Variants in LRRC37A2 observed in about 807,000 individuals in gnomAD.
The protein encoded by LRRC37A2 is leucine rich repeat containing 37 member A2.
LRRC37A2 carries 9 observed loss-of-function variants against 68.8 expected under a neutral mutation model. That is an observed-to-expected ratio of 0.13 (90% CI 0.08 to 0.23). The LOEUF is 0.23. Ranked by LOEUF, LRRC37A2 falls within the 10% of genes least tolerant of loss-of-function variation. The probability of loss-of-function intolerance (pLI) is 1.00; values close to 1 mark genes in which losing one functional copy is unlikely to be tolerated. For synonymous variants in LRRC37A2, 63 were observed against 367.6 expected, an observed-to-expected ratio of 0.17 and a Z score of 9.48; for missense variants, 168 against 950.4, an observed-to-expected ratio of 0.18 and a Z score of 10.82.
At chr17:46,945,644 G>T in the LRRC37A2 span, among the ~76,000 whole-genome samples, 1 of 152,100 alleles carries the variant, frequency 6.6e-6, no homozygotes, top group Non-Finnish European at 1.5e-5. Context: ...TTTCCAGCCC[G>T]AGCAACAGGA....
chr17:46,930,981 C>T, the LRRC37A2 span: 1 of 694,942 alleles, frequency 1.4e-6, no homozygotes, highest in Non-Finnish European at 2.6e-6. Flanking sequence ...CATTTTTCTC[C>T]TTTTGAAATA....
At chr17:47,005,904 A>T in the LRRC37A2 span, 1 of 152,224 alleles carries the variant, frequency 6.6e-6, no homozygotes, top group East Asian at 1.9e-4. Context: ...GTAGACACTG[A>T]TATGTAATGC....
chr17:46,928,685 C>T, the LRRC37A2 span, among the ~76,000 whole-genome samples: 2 of 152,198 alleles, frequency 1.3e-5, no homozygotes, highest in Admixed American at 6.5e-5. Context: ...AGGTCCCTGT[C>T]TCAGGGTCTT....
At chr17:46,891,992 TC>T in the LRRC37A2 span, among the ~76,000 whole-genome samples, 4 of 146,626 alleles carry the variant, frequency 2.7e-5, no homozygotes, top group Non-Finnish European at 5.9e-5. Flanking sequence ...TGATCTCAGC[TC>T]AGTGCAACCT....
At chr17:46,795,981 G>A in the LRRC37A2 span, among the ~76,000 whole-genome samples, 1 of 151,744 alleles carries the variant, frequency 6.6e-6, no homozygotes, top group Non-Finnish European at 1.5e-5. Flanking sequence ...GATGAATAGA[G>A]GATTAAAAAA....
chr17:47,018,891 A>G, the LRRC37A2 span: 1 of 1,517,464 alleles, frequency 6.6e-7, no homozygotes, highest in Non-Finnish European at 9.1e-7. Context: ...TTCTCCAACC[A>G]TGAAGGAGAC....
the LRRC37A2 span, among the ~76,000 whole-genome samples, chr17:46,766,134 C>T: frequency 2.6e-5 from 4 of 152,146 alleles, no homozygotes; most frequent in Admixed American, 1.3e-4. Context: ...TCTGGCCGGG[C>T]GCGGTGGCTC....
the LRRC37A2 span, among the ~76,000 whole-genome samples, chr17:46,850,951 A>G: frequency 6.6e-6 from 1 of 152,166 alleles, no homozygotes; most frequent in African/African-American, 2.4e-5. Flanking sequence ...CCTCGCCGGT[A>G]ACAGTCACTC....
the LRRC37A2 span, among the ~76,000 whole-genome samples, chr17:46,737,908 ATATTATTATTATTATTATTATTATTAT>A: frequency 3.4e-5 from 5 of 145,906 alleles, no homozygotes; most frequent in Admixed American, 2.8e-4. Flanking sequence ...TAAAATTAGC[ATATTATTATTATTATTATTATTATTAT>A]TATTATTATT....
At chr17:46,493,490 T>C in the LRRC37A2 span, among the ~76,000 whole-genome samples, 1 of 125,626 alleles carries the variant, frequency 8.0e-6, no homozygotes, top group East Asian at 2.2e-4. Flanking sequence ...TTTAAGATGT[T>C]TAATTGGGTT....
chr17:46,490,934 A>G, the LRRC37A2 span, among the ~76,000 whole-genome samples: 1 of 147,802 alleles, frequency 6.8e-6, no homozygotes, highest in Non-Finnish European at 1.5e-5. Context: ...CTCTTCTGTC[A>G]CCCAGGCTGG....
chr17:46,716,061 T>A, the LRRC37A2 span, among the ~76,000 whole-genome samples: 17 of 152,316 alleles, frequency 1.1e-4, no homozygotes, highest in African/African-American at 3.8e-4. Flanking sequence ...ATAGGTTTCT[T>A]AGAAATATAT....
At chr17:47,027,127 G>A in the LRRC37A2 span, among the ~76,000 whole-genome samples, 1 of 152,128 alleles carries the variant, frequency 6.6e-6, no homozygotes, top group Non-Finnish European at 1.5e-5. Context: ...TAGCCAGGAT[G>A]GTCTCAATAT....
chr17:46,806,206 CCTTT>C, the LRRC37A2 span, among the ~76,000 whole-genome samples: 1 of 107,806 alleles, frequency 9.3e-6, no homozygotes, highest in Admixed American at 1.4e-4. Context: ...TTTTTCTTTT[CCTTT>C]TTTTTTTTTT....
At chr17:46,982,225 T>G in the LRRC37A2 span, among the ~76,000 whole-genome samples, 1 of 152,226 alleles carries the variant, frequency 6.6e-6, no homozygotes, top group Non-Finnish European at 1.5e-5. Context: ...TTTGGCCCAA[T>G]TGGATTTCTG....
chr17:46,490,852 G>A, the LRRC37A2 span, among the ~76,000 whole-genome samples: 2 of 150,644 alleles, frequency 1.3e-5, no homozygotes, highest in Non-Finnish European at 2.9e-5. Context: ...ATCTTTGGGT[G>A]GACATGTGTA....
chr17:46,778,006 C>T, the LRRC37A2 span, among the ~76,000 whole-genome samples: 1 of 152,220 alleles, frequency 6.6e-6, no homozygotes, highest in Non-Finnish European at 1.5e-5. Context: ...ATTTTCTTAA[C>T]CTCTATACCT....
At chr17:46,440,415 G>A in the LRRC37A2 span, among the ~76,000 whole-genome samples, 2 of 71,158 alleles carry the variant, frequency 2.8e-5, no homozygotes, top group Admixed American at 1.3e-4. Flanking sequence ...TTTTTTTGGC[G>A]GGGTGGGGTC....
the LRRC37A2 span, chr17:46,875,406 G>A: frequency 1.3e-6 from 2 of 1,549,802 alleles, no homozygotes; most frequent in Non-Finnish European, 1.7e-6. Flanking sequence ...CTTCCCACCA[G>A]GGTACACAGC....
Sources: allele counts gnomAD v4.1 joint callset (sites outside exome capture counted in the v4.1 genomes callset), GRCh38; gene constraint gnomAD v4.1.1; transcripts MANE v1.5; gene names NCBI Gene and HGNC (gene_info 2026-07-23, HGNC 2026-07-21).